PTPRM: variants seen among roughly 807,000 people sequenced by gnomAD.
PTPRM encodes protein tyrosine phosphatase receptor type M.
In PTPRM, 47 loss-of-function variants were observed where a neutral mutation model predicts 186.7. The ratio of observed to expected loss-of-function variants is 0.25; its 90% confidence interval spans 0.20 to 0.32. PTPRM has a LOEUF of 0.32. Ranked by LOEUF, PTPRM falls within the 10% of genes least tolerant of loss-of-function variation. The pLI is 1.00. For synonymous variants in PTPRM, 668 were observed against 674.9 expected (o/e 0.99, Z 0.16); for missense variants, 1,494 against 1,865.0 (o/e 0.80, Z 3.66).
chr18:7,764,872 G>C (rs947536114), intron 1 of PTPRM, among the ~76,000 whole-genome samples: 4 of 152,080 alleles, frequency 2.6e-5, no homozygotes, highest in Non-Finnish European at 5.9e-5. Flanking sequence ...TACGATAGAG[G>C]CAGACAACTA....
Position 8,370,978 on chromosome 18 carries a change from A to G in PTPRM, c.3143A>G (p.Tyr1048Cys). The G allele has an allele frequency of 6.3e-7, 1 of 1,597,988 alleles. No individual in the cohort carries two copies. Among genetic ancestry groups the G allele is most frequent in the Non-Finnish European group, 8.6e-7 (1 of 1,166,690 alleles). ...TLIETELLAE[Y>C]VIRTFAVEKR... ...ATAGAAACAGAACTACTGGCAGAAT[A>G]TGTGATAAGAACATTTGCTGTTGAA... The change falls in exon 24 of 33, where the codon TAT becomes TGT. Residue 1048 changes from tyrosine to cysteine, a missense_variant. Transcript: ENST00000580170.
Position 7,894,607 on chromosome 18 carries a change from A to AT in PTPRM, c.468+6231dup, listed in dbSNP as rs1283615405. Among the ~76,000 whole-genome samples, 322 of 150,896 alleles carry AT rather than the reference A, an allele frequency of 2.1e-3. 2 individuals carry two copies. The highest frequency in any genetic ancestry group is 7.5e-3 in the African/African-American group (310 of 41,220). ...TCTCAGGAAAAATATATATATATAT[A>AT]TATTTTTTAATATTTTTTTTCCAGT... On this transcript the variant is annotated intron_variant, in intron 3 of 32. Coordinates refer to ENST00000580170, the MANE Select transcript of PTPRM (RefSeq NM_001105244.2).
At chr18:8,165,211 T>TGGTAGA (rs1287899810) in intron 14 of PTPRM, among the ~76,000 whole-genome samples, 8 of 151,736 alleles carry the variant, frequency 5.3e-5, no homozygotes, top group Non-Finnish European at 1.2e-4. Context: ...GTTCTAATAC[T>TGGTAGA]GGTAGAGTGA....
intron 7 of PTPRM, among the ~76,000 whole-genome samples, chr18:7,979,887 T>C (rs1465393558): frequency 6.6e-6 from 1 of 152,014 alleles, no homozygotes; most frequent in Non-Finnish European, 1.5e-5. Flanking sequence ...GGACTGAGGG[T>C]GAGGGGCCAC....
chr18:8,147,629 C>G (rs1256529531), intron 14 of PTPRM, among the ~76,000 whole-genome samples: 2 of 118,530 alleles, frequency 1.7e-5, no homozygotes, highest in Admixed American at 7.7e-5. Context: ...GTTTGAATAC[C>G]CTTTATTTCT....
At chr18:7,579,315 C>T (rs565023886) in intron 1 of PTPRM, among the ~76,000 whole-genome samples, 1 of 152,246 alleles carries the variant, frequency 6.6e-6, no homozygotes, top group South Asian at 2.1e-4. Context: ...AGAAATACCT[C>T]ATATGATTTT....
At chr18:7,719,282 A>G (rs1352173689) in intron 1 of PTPRM, among the ~76,000 whole-genome samples, 1 of 152,152 alleles carries the variant, frequency 6.6e-6, no homozygotes, top group East Asian at 1.9e-4. Flanking sequence ...AAGTGAAGTA[A>G]CTCAGGAATG....
At chr18:8,228,607 C>T (rs2094244358) in intron 14 of PTPRM, among the ~76,000 whole-genome samples, 1 of 149,932 alleles carries the variant, frequency 6.7e-6, no homozygotes, top group Admixed American at 6.7e-5. Flanking sequence ...CTTTGGGAGG[C>T]GAGGCAGGTG....
At chr18:7,582,590 G>A (rs977667052) in intron 1 of PTPRM, among the ~76,000 whole-genome samples, 6 of 152,190 alleles carry the variant, frequency 3.9e-5, no homozygotes, top group Non-Finnish European at 8.8e-5. Flanking sequence ...TGGGAAATTG[G>A]GACTTACAGA....
At chr18:8,105,888 T>A (rs560438978) in intron 11 of PTPRM, among the ~76,000 whole-genome samples, 3 of 152,276 alleles carry the variant, frequency 2.0e-5, no homozygotes, top group African/African-American at 7.2e-5. Context: ...AAACAAAAAA[T>A]TATGGCCTTT....
In PTPRM at chr18:8,264,537, G is replaced by A. The variant is rs1260845749; in HGVS notation, c.2754+11123G>A. Among the ~76,000 whole-genome samples the A allele has an allele frequency of 9.9e-5, 15 of 152,024 alleles. 1 individual carries two copies. The highest frequency in any genetic ancestry group is 4.2e-4 in the South Asian group (2 of 4,816). ...TGTAATCCCAGCACTTTGGGAGGCC[G>A]AGGCGGGCAGATCATGAGGTCAGGA... On this transcript the variant is annotated intron_variant, in intron 19 of 32. Transcript: ENST00000580170.
chr18:8,401,529 C>T (rs185681713), intron 32 of PTPRM, among the ~76,000 whole-genome samples: 3 of 152,318 alleles, frequency 2.0e-5, no homozygotes, highest in South Asian at 2.1e-4. Flanking sequence ...AGGATCTGTC[C>T]GTTCAGGGTC....
intron 2 of PTPRM, among the ~76,000 whole-genome samples, chr18:7,795,455 A>G (rs1212339130): frequency 2.0e-5 from 3 of 150,792 alleles, no homozygotes; most frequent in African/African-American, 4.9e-5. Context: ...GAAGAAATTA[A>G]TTGTGCTTGT....
chr18:8,377,942 C>T (rs2095707090), intron 26 of PTPRM: 1 of 208,390 alleles, frequency 4.8e-6, no homozygotes, highest in Admixed American at 5.8e-5. Context: ...ACCAGCAAAT[C>T]CTACCATAGA....
chr18:7,903,306 T>G (rs771388618), intron 3 of PTPRM, among the ~76,000 whole-genome samples: 3 of 152,214 alleles, frequency 2.0e-5, no homozygotes, highest in Non-Finnish European at 4.4e-5. Flanking sequence ...AACACATTTT[T>G]CTAACCACAG....
At chr18:8,039,989 G>A (rs1000304390) in intron 7 of PTPRM, among the ~76,000 whole-genome samples, 2 of 152,136 alleles carry the variant, frequency 1.3e-5, no homozygotes, top group African/African-American at 4.8e-5. Context: ...ACAGCATATT[G>A]TAAACCAATA....
At chr18:7,807,569 G>T (rs2044296207) in intron 2 of PTPRM, among the ~76,000 whole-genome samples, 2 of 152,200 alleles carry the variant, frequency 1.3e-5, no homozygotes, top group East Asian at 3.9e-4. Context: ...CAAAAAGGCA[G>T]CTAGAAAAGA....
At chr18:8,240,777 GGA>G (rs747648655) in intron 14 of PTPRM, among the ~76,000 whole-genome samples, 21 of 57,360 alleles carry the variant, frequency 3.7e-4, no homozygotes, top group East Asian at 1.4e-3. Context: ...AGAGAGAGAG[GGA>G]GAGAGAGAGA....
chr18:7,846,540 C>A (rs1259114494), intron 2 of PTPRM, among the ~76,000 whole-genome samples: 1 of 152,242 alleles, frequency 6.6e-6, no homozygotes, highest in Non-Finnish European at 1.5e-5. Context: ...TGGTGGCCCT[C>A]TCCCGTGCTT....
Sources: allele counts gnomAD v4.1 joint callset (sites outside exome capture counted in the v4.1 genomes callset), GRCh38; gene constraint gnomAD v4.1.1; transcripts MANE v1.5; gene names NCBI Gene and HGNC (gene_info 2026-07-23, HGNC 2026-07-21).